Variants in COLQ observed in about 807,000 individuals in gnomAD.
The protein encoded by COLQ is collagen like tail subunit of asymmetric acetylcholinesterase.
Under a neutral mutation model 69.0 loss-of-function variants are expected in COLQ, and 48 were observed. The observed-to-expected ratio is 0.70, with a 90% CI of 0.55 to 0.88. COLQ has a LOEUF of 0.88. Ranked by LOEUF, COLQ falls within the 40% of genes least tolerant of loss-of-function variation. COLQ has a pLI of 0.00. For synonymous variants in COLQ, 217 were observed against 211.2 expected (o/e 1.03, Z -0.24); for missense variants, 618 against 594.6 (o/e 1.04, Z -0.41).
At chr3:15,521,454 A>G (rs1052003854) in intron 1 of COLQ, 66 bp downstream of exon 1, 1 of 1,603,596 alleles carries the variant, frequency 6.2e-7, no homozygotes, top group Admixed American at 1.7e-5. Context: ...ACATTGCAAA[A>G]CAATCTTCCT....
At chr3:15,521,484 CAGAT>C in intron 1 of COLQ, 32 bp downstream of exon 1, 1 of 1,613,372 alleles carries the variant, frequency 6.2e-7, no homozygotes, top group Non-Finnish European at 8.5e-7. Context: ...TGTCCCCTGA[CAGAT>C]GGAAGAGAGG....
intron 8 of COLQ, 136 bp downstream of exon 8, chr3:15,474,789 A>T: frequency 9.4e-7 from 1 of 1,058,482 alleles, no homozygotes; most frequent in Non-Finnish European, 1.5e-6. Flanking sequence ...CCACTGACAA[A>T]GGGTGGGGAA....
intron 12 of COLQ, among the ~76,000 whole-genome samples, chr3:15,462,706 A>G (rs7637551): frequency 0.019 from 2,851 of 152,260 alleles, 82 homozygotes; most frequent in African/African-American, 0.063. Flanking sequence ...AACGTTACCA[A>G]TGGAGAGGCC....
chr3:15,474,135 C>T, intron 9 of COLQ, 93 bp downstream of exon 9: 1 of 1,591,948 alleles, frequency 6.3e-7, no homozygotes, highest in African/African-American at 1.3e-5. Context: ...GAGGCCTGTC[C>T]ATCAGTCCAT....
In COLQ at chr3:15,451,589, G is replaced by C; in HGVS notation, c.*55C>G. ...CCAGGACATGGCCAGTTTGATGACA[G>C]TGGAGAAGCTGCTGCCAGTTCTGTG... On this transcript the variant is annotated 3_prime_UTR_variant, in exon 17 of 17. Transcript: ENST00000383788. The C allele has an allele frequency of 6.5e-7, 1 of 1,534,718 alleles. No homozygotes were observed. The highest frequency in any genetic ancestry group is 9.0e-7 in the Non-Finnish European group (1 of 1,107,608).
At chr3:15,514,854 C>T (rs1440998322) in intron 1 of COLQ, among the ~76,000 whole-genome samples, 1 of 152,198 alleles carries the variant, frequency 6.6e-6, no homozygotes, top group Non-Finnish European at 1.5e-5. Flanking sequence ...CCAGAACGTG[C>T]GTCCAGCAGC....
intron 1 of COLQ, among the ~76,000 whole-genome samples, chr3:15,511,551 CA>C (rs147208416): frequency 2.0e-4 from 30 of 152,300 alleles, no homozygotes; most frequent in African/African-American, 6.5e-4. Context: ...ACAAACCACC[CA>C]ACCAATGCTG....
chr3:15,502,343 C>T (rs2062842647), intron 1 of COLQ, among the ~76,000 whole-genome samples: 1 of 151,978 alleles, frequency 6.6e-6, no homozygotes, highest in African/African-American at 2.4e-5. Context: ...TCTTGAACTC[C>T]TGACCTCAGG....
chr3:15,489,222 C>A (rs1010348615), intron 2 of COLQ, among the ~76,000 whole-genome samples: 12 of 152,148 alleles, frequency 7.9e-5, no homozygotes, highest in African/African-American at 2.9e-4. Flanking sequence ...GATGGGAACC[C>A]AGGAAGTTAT....
chr3:15,490,746 T>C (rs1366847906), intron 1 of COLQ, among the ~76,000 whole-genome samples: 3 of 152,252 alleles, frequency 2.0e-5, no homozygotes, highest in African/African-American at 7.2e-5. Flanking sequence ...GGCAAGGATG[T>C]GGAACAACCA....
intron 1 of COLQ, among the ~76,000 whole-genome samples, chr3:15,506,283 A>T (rs1024162230): frequency 6.6e-6 from 1 of 152,210 alleles, no homozygotes; most frequent in Non-Finnish European, 1.5e-5. Flanking sequence ...AAGACAAAAA[A>T]TTCCATCTTG....
At chr3:15,479,268 C>T (rs1281860029) in intron 4 of COLQ, 70 bp downstream of exon 4, 1 of 1,506,312 alleles carries the variant, frequency 6.6e-7, no homozygotes, top group Non-Finnish European at 9.2e-7. Context: ...AGGAAATTCT[C>T]AGTGGGATGC....
At chr3:15,495,698 T>C in intron 1 of COLQ, among the ~76,000 whole-genome samples, 1 of 152,174 alleles carries the variant, frequency 6.6e-6, no homozygotes, top group South Asian at 2.1e-4. Flanking sequence ...GCTCCAGCTG[T>C]CACGGGCTAC....
intron 11 of COLQ, among the ~76,000 whole-genome samples, chr3:15,469,071 C>T (rs377469339): frequency 1.3e-5 from 2 of 152,170 alleles, no homozygotes; most frequent in African/African-American, 2.4e-5. Context: ...GCTAACAATT[C>T]GTTATCTCCC....
intron 1 of COLQ, among the ~76,000 whole-genome samples, chr3:15,512,185 A>G (rs1365989613): frequency 2.0e-5 from 3 of 152,176 alleles, no homozygotes; most frequent in Non-Finnish European, 4.4e-5. Flanking sequence ...ATGAGTGAGG[A>G]AAGTGTGGGA....
chr3:15,521,664 G>C lies in COLQ; in HGVS notation c.-39C>G. On this transcript the variant is annotated 5_prime_UTR_variant, in exon 1 of 17. Transcript: ENST00000383788. The stretch of plus-strand genomic sequence containing the variant: ...TGGCGAGGGTCAAGTTAGAAAGGAG[G>C]CTGCTGCGGAGCCTTGCTTATCTCT... The C allele has an allele frequency of 6.2e-7, 1 of 1,613,348 alleles. No individual in the cohort carries two copies. The highest frequency in any genetic ancestry group is 8.5e-7 in the Non-Finnish European group (1 of 1,179,782).
At chr3:15,478,675 G>T in intron 5 of COLQ, 1 of 529,436 alleles carries the variant, frequency 1.9e-6, no homozygotes, top group East Asian at 3.3e-5. Context: ...TTCTCTGATG[G>T]GTAGCAGAGT....
In COLQ at chr3:15,500,227, T is replaced by G. The variant is rs376382660; in HGVS notation, c.107-10590A>C. 2.0e-3 allele frequency among the ~76,000 whole-genome samples: 310 copies of G among 152,280 alleles called. 1 individual carries two copies. The highest frequency in any genetic ancestry group is 7.2e-3 in the African/African-American group (299 of 41,562). On this transcript the variant is annotated intron_variant, in intron 1 of 16. Transcript: ENST00000383788. ...GTTCCTTCTCTGGGGAATTCCCCTT[T>G]GTCCTTCTCAGAAACTGGGTCTAAG...
intron 5 of COLQ, among the ~76,000 whole-genome samples, chr3:15,478,053 A>T (rs1195160257): frequency 3.9e-5 from 6 of 152,224 alleles, no homozygotes; most frequent in Non-Finnish European, 8.8e-5. Context: ...CCTAAACCAG[A>T]TATACCAAAT....
Sources: gnomAD v4.1 joint callset for allele counts (sites outside exome capture counted in the v4.1 genomes callset) on GRCh38, gnomAD v4.1.1 for gene constraint, MANE v1.5 for transcripts, NCBI Gene and HGNC (gene_info 2026-07-23, HGNC 2026-07-21) for gene names.